LMX1A: variants seen among roughly 807,000 people sequenced by gnomAD.
The protein encoded by LMX1A is LIM homeobox transcription factor 1 alpha.
Under a neutral mutation model 49.1 loss-of-function variants are expected in LMX1A, and 15 were observed. That is an observed-to-expected ratio of 0.31 (90% confidence interval 0.20 to 0.47). The LOEUF (loss-of-function observed/expected upper bound fraction) is 0.47. Ranked by LOEUF, LMX1A falls within the 20% of genes least tolerant of loss-of-function variation. The probability of loss-of-function intolerance (pLI) is 1.00; values close to 1 mark genes in which losing one functional copy is unlikely to be tolerated. For missense variants in LMX1A, 372 were observed against 475.8 expected (o/e 0.78, Z 2.03); for synonymous variants, 167 against 185.7 (o/e 0.90, Z 0.82).
chr1:165,259,841 T>C (rs1653370347), intron 3 of LMX1A, among the ~76,000 whole-genome samples: 1 of 152,178 alleles, frequency 6.6e-6, no homozygotes, highest in Non-Finnish European at 1.5e-5. Flanking sequence ...GTAGACAATG[T>C]CAGACAAGCT....
chr1:165,278,626 C>A (rs1654043361), intron 3 of LMX1A, among the ~76,000 whole-genome samples: 1 of 152,138 alleles, frequency 6.6e-6, no homozygotes, highest in Admixed American at 6.5e-5. Flanking sequence ...CTCCATAAAC[C>A]CCGGGGACAG....
chr1:165,211,958 A>G (rs1158233246), intron 5 of LMX1A, among the ~76,000 whole-genome samples: 1 of 152,190 alleles, frequency 6.6e-6, no homozygotes, highest in Non-Finnish European at 1.5e-5. Flanking sequence ...ACAAGCACCC[A>G]GCACAAAGCC....
At chr1:165,337,914 C>G (rs577340837) in intron 3 of LMX1A, among the ~76,000 whole-genome samples, 41 of 31,354 alleles carry the variant, frequency 1.3e-3, no homozygotes, top group Non-Finnish European at 2.1e-3. Context: ...GTGTTACTAC[C>G]CCAGAAACGG....
At chr1:165,311,210 G>A (rs897076741) in intron 3 of LMX1A, among the ~76,000 whole-genome samples, 2 of 152,216 alleles carry the variant, frequency 1.3e-5, no homozygotes, top group Non-Finnish European at 2.9e-5. Context: ...TTATTCATCA[G>A]AGATTTTCAA....
intron 3 of LMX1A, among the ~76,000 whole-genome samples, chr1:165,305,143 C>T (rs1240944781): frequency 2.0e-5 from 3 of 152,184 alleles, no homozygotes; most frequent in Admixed American, 1.3e-4. Context: ...ATAGTAGGTG[C>T]TAGTGAAAGG....
chr1:165,219,762 C>T (rs1219684350), intron 4 of LMX1A, among the ~76,000 whole-genome samples: 1 of 152,232 alleles, frequency 6.6e-6, no homozygotes, highest in Non-Finnish European at 1.5e-5. Context: ...TACTCTTACA[C>T]TTAGCACTTA....
chr1:165,352,730 G>T (rs1656469485), intron 3 of LMX1A, among the ~76,000 whole-genome samples: 1 of 152,274 alleles, frequency 6.6e-6, no homozygotes, highest in Non-Finnish European at 1.5e-5. Flanking sequence ...GTAAAAGAGG[G>T]AGACCAAGCT....
Position 165,206,014 on chromosome 1 carries a change from T to C in LMX1A, c.838A>G (p.Ser280Gly). Residue 280 changes from serine (S) to glycine (G), a missense_variant, in exon 8 of 9, where the codon AGT becomes GGT. By Grantham distance (56) the Ser-to-Gly change is moderately conservative. Transcript: ENST00000342310. ...TTCATGATTCCTTCCATCCCAGCAC[T>C]CCCACCACCGTTTGTCTGAGCTGTG... ...LSSAQTNGGGSAGMEGIMNPY... is the reference protein window; with the variant it reads ...LSSAQTNGGGGAGMEGIMNPY... The C allele has an allele frequency of 6.4e-7, 1 of 1,574,664 alleles. No homozygotes were observed. The highest frequency in any genetic ancestry group is 8.6e-7 in the Non-Finnish European group (1 of 1,161,178).
chr1:165,338,388 T>C (rs1411004088), intron 3 of LMX1A, among the ~76,000 whole-genome samples: 2 of 152,230 alleles, frequency 1.3e-5, no homozygotes, highest in African/African-American at 4.8e-5. Flanking sequence ...GGGAAAGTCC[T>C]TTAATCCTTT....
intron 3 of LMX1A, among the ~76,000 whole-genome samples, chr1:165,260,899 C>T (rs1653413500): frequency 6.6e-6 from 1 of 152,188 alleles, no homozygotes; most frequent in South Asian, 2.1e-4. Context: ...TTCCAGAATG[C>T]CTTTAGTTCA....
intron 5 of LMX1A, chr1:165,213,124 G>A (rs1242104714): frequency 2.6e-5 from 4 of 152,522 alleles, no homozygotes; most frequent in Non-Finnish European, 5.9e-5. Context: ...AATGTCCATA[G>A]CAGTCCTATT....
At position 165,333,996 on chromosome 1, in the gene LMX1A, T is replaced by C. The variant is rs1655827844; in HGVS notation, c.263+19080A>G. 2.0e-5 allele frequency among the ~76,000 whole-genome samples: 3 copies of C among 152,280 alleles called. No homozygotes were observed. The South Asian group carries it at 6.2e-4, about 32-fold the overall frequency. ...CACCTGTGACATAAATTGATTAGTA[T>C]CTCCCTTATAGAAGTGAATAAATTC... On this transcript the variant is annotated intron_variant, in intron 3 of 8. Coordinates refer to ENST00000342310, the MANE Select transcript of LMX1A (RefSeq NM_177398.4).
intron 2 of LMX1A, among the ~76,000 whole-genome samples, chr1:165,354,151 G>A (rs373620744): frequency 1.2e-4 from 19 of 152,190 alleles, no homozygotes; most frequent in African/African-American, 4.1e-4. Flanking sequence ...TTTAAAGAAG[G>A]CCTTGTCCCC....
rs764370180 is a variant in LMX1A, at chr1:165,203,514, T to C, written c.*366A>G. 4.6e-5 allele frequency: 8 copies of C among 172,682 alleles called. No individual in the cohort carries two copies. The highest frequency in any genetic ancestry group is 8.8e-5 in the Non-Finnish European group (7 of 79,714). 10.7% of individuals were successfully genotyped at this position (172,682 alleles called of 1,614,324 possible). Reference sequence around the variant, plus strand: ...ATCTATCTGTCCTTCTGTCTATTGGTGTGTAGATGGATAGACATATGCACC... The same window carrying C: ...ATCTATCTGTCCTTCTGTCTATTGGCGTGTAGATGGATAGACATATGCACC... On this transcript the variant is annotated 3_prime_UTR_variant, in exon 9 of 9. Transcript: ENST00000342310.
At chr1:165,349,011 G>C (rs1557892601) in intron 3 of LMX1A, among the ~76,000 whole-genome samples, 1 of 152,216 alleles carries the variant, frequency 6.6e-6, no homozygotes, top group East Asian at 1.9e-4. Context: ...GAGTTATGAT[G>C]TTATGAGAAC....
Position 165,355,591 on chromosome 1 carries a change from A to G in LMX1A, c.-22-10T>C. 1 of 1,605,902 alleles carries G rather than the reference A, an allele frequency of 6.2e-7. No individual in the cohort carries two copies. The highest frequency in any genetic ancestry group is 8.5e-7 in the Non-Finnish European group (1 of 1,174,666). ...GCCGGGCCGGGAGGACCTGTAGAGG[A>G]GAAGAAACGATGCGTCTGACGTCCG... On this transcript the variant is annotated splice_polypyrimidine_tract_variant and intron_variant, in intron 1 of 8. Transcript: ENST00000342310. The surrounding 1 kb of genome is among the most constrained non-coding windows in gnomAD (Gnocchi z 4.7).
At chr1:165,352,559 C>T (rs144361900) in intron 3 of LMX1A, among the ~76,000 whole-genome samples, 109 of 152,370 alleles carry the variant, frequency 7.2e-4, no homozygotes, top group African/African-American at 2.5e-3. Context: ...AGCGAACAAA[C>T]CCGAGCGGGA....
At chr1:165,269,125 G>C (rs1483056019) in intron 3 of LMX1A, among the ~76,000 whole-genome samples, 1 of 152,148 alleles carries the variant, frequency 6.6e-6, no homozygotes, top group Admixed American at 6.5e-5. Flanking sequence ...CAGTCCCTTG[G>C]AGGCTCTGGG....
At chr1:165,317,280 T>C (rs140991147) in intron 3 of LMX1A, among the ~76,000 whole-genome samples, 468 of 152,314 alleles carry the variant, frequency 3.1e-3, no homozygotes, top group African/African-American at 0.011. Flanking sequence ...TTAATACATA[T>C]GCTCCAATGA....
Sources: allele counts gnomAD v4.1 joint callset (sites outside exome capture counted in the v4.1 genomes callset), GRCh38; gene constraint gnomAD v4.1.1; non-coding constraint Gnocchi (gnomAD v3.1); transcripts MANE v1.5; gene names NCBI Gene and HGNC (gene_info 2026-07-23, HGNC 2026-07-21).